The following ANKRD45 variants were observed in gnomAD, a reference collection of about 807,000 sequenced individuals.
ANKRD45 encodes ankyrin repeat domain-containing protein 45.
A neutral mutation model predicts 28.1 loss-of-function variants in ANKRD45; 21 were observed. That is an observed-to-expected ratio of 0.75 (90% CI 0.53 to 1.08). The LOEUF (loss-of-function observed/expected upper bound fraction) is 1.08, where lower values mean the gene tolerates loss of function less well. Among genes scored for constraint, ANKRD45 ranks in the 50% least tolerant of loss-of-function variants. ANKRD45 has a pLI of 0.00. For synonymous variants in ANKRD45, 86 were observed against 103.9 expected (o/e 0.83, Z 1.05); for missense variants, 261 against 308.7 (o/e 0.85, Z 1.16).
the ANKRD45 span, among the ~76,000 whole-genome samples, chr1:173,691,887 C>A: frequency 2.0e-5 from 3 of 152,212 alleles, no homozygotes; most frequent in Admixed American, 1.3e-4. Flanking sequence ...TTATCCTTGA[C>A]GCACATGGCC....
the ANKRD45 span, among the ~76,000 whole-genome samples, chr1:173,704,243 T>C: frequency 6.6e-6 from 1 of 151,296 alleles, no homozygotes; most frequent in Non-Finnish European, 1.5e-5. Flanking sequence ...CCCCATCCCA[T>C]GTGTCAAGAT....
the ANKRD45 span, among the ~76,000 whole-genome samples, chr1:173,677,303 A>T: frequency 3.3e-5 from 5 of 152,162 alleles, no homozygotes; most frequent in Non-Finnish European, 7.3e-5. Context: ...ATAAATATAT[A>T]AAATTTTAAT....
intron 2 of ANKRD45, among the ~76,000 whole-genome samples, chr1:173,650,407 C>T (rs942911801): frequency 1.3e-5 from 2 of 152,170 alleles, no homozygotes; most frequent in Admixed American, 6.5e-5. Context: ...CAGCTTCATC[C>T]ATGTCCCTGC....
the ANKRD45 span, among the ~76,000 whole-genome samples, chr1:173,714,720 G>A: frequency 6.6e-6 from 1 of 152,226 alleles, no homozygotes; most frequent in Non-Finnish European, 1.5e-5. Flanking sequence ...GAAGAAAAGA[G>A]GAGGCTTCAG....
chr1:173,629,051 A>C (rs138680967), intron 3 of ANKRD45, among the ~76,000 whole-genome samples: 1 of 152,398 alleles, frequency 6.6e-6, no homozygotes, highest in African/African-American at 2.4e-5. Flanking sequence ...CATCTCTACA[A>C]GTCTGCAAGA....
intron 1 of ANKRD45, 136 bp from the exon 2 acceptor site, chr1:173,659,569 T>C (rs1669692580): frequency 7.9e-6 from 6 of 756,418 alleles, no homozygotes; most frequent in Non-Finnish European, 9.8e-6. Context: ...TAAAGTAAGA[T>C]ACTTCAGCAA....
At chr1:173,687,161 C>CAAGA in the ANKRD45 span, among the ~76,000 whole-genome samples, 1 of 152,174 alleles carries the variant, frequency 6.6e-6, no homozygotes, top group African/African-American at 2.4e-5. Context: ...AATCCACATT[C>CAAGA]TTATGCATCC....
intron 2 of ANKRD45, chr1:173,658,819 T>C: frequency 3.5e-6 from 1 of 289,608 alleles, no homozygotes; most frequent in Non-Finnish European, 6.2e-6. Context: ...ATCCCCATTT[T>C]GCAGATGGAA....
the ANKRD45 span, among the ~76,000 whole-genome samples, chr1:173,681,618 C>G: frequency 1.3e-5 from 2 of 152,100 alleles, no homozygotes; most frequent in African/African-American, 4.8e-5. Context: ...TCTTGATAAC[C>G]TGTTTCACAA....
intron 3 of ANKRD45, among the ~76,000 whole-genome samples, chr1:173,643,222 G>A (rs1452506388): frequency 7.0e-6 from 1 of 142,232 alleles, no homozygotes; most frequent in African/African-American, 2.6e-5. Context: ...CACCCAGGCT[G>A]GAGTGTAGTG....
chr1:173,624,748 C>T (rs144113895), intron 5 of ANKRD45, 39 bp downstream of exon 5: 2 of 1,576,874 alleles, frequency 1.3e-6, no homozygotes, highest in Non-Finnish European at 1.7e-6. Flanking sequence ...TAATTTTCAT[C>T]CCTTCTGACA....
intron 4 of ANKRD45, among the ~76,000 whole-genome samples, chr1:173,625,540 T>C (rs1338966399): frequency 1.3e-5 from 2 of 152,164 alleles, no homozygotes; most frequent in Non-Finnish European, 2.9e-5. Flanking sequence ...ATTTAAGATG[T>C]TTATTATACT....
intron 4 of ANKRD45, among the ~76,000 whole-genome samples, chr1:173,625,392 A>G (rs746889321): frequency 1.3e-5 from 2 of 152,192 alleles, no homozygotes; most frequent in Non-Finnish European, 2.9e-5. Flanking sequence ...GACAATGCTG[A>G]TATTTTATTC....
In ANKRD45 at chr1:173,624,731, T is replaced by C. The variant is rs75638841; in HGVS notation, c.730+56A>G. On this transcript the variant is annotated intron_variant, in intron 5 of 5. Coordinates refer to ENST00000333279, the MANE Select transcript of ANKRD45 (RefSeq NM_198493.3). ...TCAGAATATCTCAAAAATAACAACATTGAACTTAATTTTCATCCCTTCTGA... is the reference window on the plus strand; with the variant it reads ...TCAGAATATCTCAAAAATAACAACACTGAACTTAATTTTCATCCCTTCTGA... 6,593 of 1,535,160 alleles carry C rather than the reference T, an allele frequency of 4.3e-3. 252 individuals are homozygous for C. In the African/African-American group the frequency reaches 0.079, roughly 18 times the overall value.
chr1:173,712,400 T>A, the ANKRD45 span, among the ~76,000 whole-genome samples: 1 of 152,208 alleles, frequency 6.6e-6, no homozygotes, highest in Non-Finnish European at 1.5e-5. Context: ...TTGGGCAACT[T>A]ACATAACATC....
intron 3 of ANKRD45, chr1:173,635,279 T>A (rs1228337026): frequency 2.5e-6 from 1 of 404,882 alleles, no homozygotes; most frequent in Non-Finnish European, 4.4e-6. Flanking sequence ...ACTGAACTTA[T>A]CCCTGAGTCA....
At chr1:173,675,306 T>G in the ANKRD45 span, 259 of 346,060 alleles carry the variant, frequency 7.5e-4, 3 homozygotes, top group South Asian at 5.3e-3. Context: ...TTTGCAGGCA[T>G]GTAGCCAAGA....
chr1:173,624,648 A>G (rs898353531), intron 5 of ANKRD45, 139 bp downstream of exon 5: 1 of 817,298 alleles, frequency 1.2e-6, no homozygotes, highest in African/African-American at 1.7e-5. Flanking sequence ...CTAGGGAACT[A>G]TATCATAGAT....
chr1:173,641,729 T>C (rs1489875661), intron 3 of ANKRD45, among the ~76,000 whole-genome samples: 1 of 152,158 alleles, frequency 6.6e-6, no homozygotes. Flanking sequence ...GAAACTCCAT[T>C]TGAGTCCTTT....
Sources: gnomAD v4.1 joint callset for allele counts (sites outside exome capture counted in the v4.1 genomes callset) on GRCh38, gnomAD v4.1.1 for gene constraint, MANE v1.5 for transcripts, NCBI Gene and HGNC (gene_info 2026-07-23, HGNC 2026-07-21) for gene names.